Variants in ASMTL observed in about 807,000 individuals in gnomAD.
ASMTL encodes the protein acetylserotonin O-methyltransferase like.
Under a neutral mutation model 60.3 loss-of-function variants are expected in ASMTL, and 57 were observed. The ratio of observed to expected loss-of-function variants is 0.95; its 90% CI spans 0.76 to 1.18. The LOEUF (loss-of-function observed/expected upper bound fraction) is 1.18. ASMTL is among the 50% of genes most tolerant of loss of function. The probability of loss-of-function intolerance (pLI) is 0.00; values close to 1 mark genes in which losing one functional copy is unlikely to be tolerated. For synonymous variants in ASMTL, 419 were observed against 373.0 expected (o/e 1.12, Z -1.42); for missense variants, 981 against 852.6 (o/e 1.15, Z -1.88).
At chrX:1,406,577 G>A (rs1272742923) in intron 12 of ASMTL, among the ~76,000 whole-genome samples, 1 of 149,428 alleles carries the variant, frequency 6.7e-6, no homozygotes, top group Non-Finnish European at 1.5e-5. Context: ...TAGATGGCAT[G>A]GATGAGATGG....
chrX:1,434,676 C>T (rs1335321368), intron 5 of ASMTL, among the ~76,000 whole-genome samples: 7 of 150,554 alleles, frequency 4.6e-5, no homozygotes, highest in African/African-American at 1.7e-4. Context: ...TGGTGGTGGG[C>T]ACCTGTAATC....
chrX:1,442,419 C>T (rs1402240178), intron 1 of ASMTL, 102 bp from the exon 2 acceptor site: 3 of 1,348,570 alleles, frequency 2.2e-6, no homozygotes, highest in Non-Finnish European at 3.1e-6. Context: ...TTGCTACACT[C>T]CCCGACCCTG....
At chrX:1,453,122 C>T (rs1178897164), upstream of ASMTL, among the ~76,000 whole-genome samples, 3 of 149,786 alleles carry the variant, frequency 2.0e-5, no homozygotes, top group Non-Finnish European at 4.5e-5. Flanking sequence ...TTGATCTCCC[C>T]TGAGACCACG....
chrX:1,449,763 C>T (rs1319722890), intron 1 of ASMTL, among the ~76,000 whole-genome samples: 2 of 147,824 alleles, frequency 1.4e-5, no homozygotes, highest in African/African-American at 5.1e-5. Context: ...TAACTATGCC[C>T]CATCATCACC....
intron 7 of ASMTL, 36 bp downstream of exon 7, chrX:1,427,698 T>C (rs747318469): frequency 1.3e-6 from 2 of 1,568,952 alleles, no homozygotes; most frequent in Admixed American, 3.5e-5. Context: ...GTAGGCTCAT[T>C]TGTGAAATGT....
At position 1,403,315 on chromosome X, in the gene ASMTL, A is replaced by G; in HGVS notation, c.1820T>C (p.Leu607Ser). 6.2e-7 allele frequency: 1 copy of G among 1,613,214 alleles called. No homozygotes were observed. Reference sequence around the variant, plus strand: ...CAAGATGGCATCCAGGACACCCCCCAAGTGCACCACCTGCACCTGGTGGAA... The same window carrying G: ...CAAGATGGCATCCAGGACACCCCCCGAGTGCACCACCTGCACCTGGTGGAA... ...HGFHQVQVVH[L>S]GGVLDAILAT... Residue 607 changes from leucine to serine, a missense_variant, in exon 13 of 13, where the codon TTG (leucine) becomes TCG (serine). Transcript: ENST00000381317.
At chrX:1,406,397 TGAATG>T (rs1350256599) in intron 12 of ASMTL, among the ~76,000 whole-genome samples, 1 of 141,658 alleles carries the variant, frequency 7.1e-6, no homozygotes, top group Non-Finnish European at 1.5e-5. Context: ...GGTAGGTAGA[TGAATG>T]GATGGATAGA....
In ASMTL at chrX:1,412,780, C is replaced by T. The variant is rs376631232; in HGVS notation, c.1597G>A (p.Asp533Asn). 3.3e-5 allele frequency: 53 copies of T among 1,613,824 alleles called. No individual in the cohort carries two copies. Among genetic ancestry groups the T allele is most frequent in the African/African-American group, 2.9e-4 (22 of 74,916 alleles). The change falls in exon 12 of 13, where the codon GAC becomes AAC. Residue 533 changes from aspartate to asparagine, a missense_variant. Asp to Asn is a conservative substitution (Grantham distance 23). Coordinates refer to ENST00000381317, the MANE Select transcript of ASMTL (RefSeq NM_004192.4). ...LCRILHDWPDDKVHKLLSRVA... is the reference protein window; with the variant it reads ...LCRILHDWPDNKVHKLLSRVA... ...CTGCTGAGTAACTTGTGGACTTTGT[C>T]GTCTGGCCAGTCATGCAGGATCCGG...
upstream of ASMTL, chrX:1,452,931 G>T: frequency 9.4e-7 from 1 of 1,064,170 alleles, no homozygotes; most frequent in Non-Finnish European, 1.3e-6. Flanking sequence ...GGCGGCCAGA[G>T]TCCCGCCTCC....
chrX:1,417,761 CCATGTCACAGGTAT>C (rs2090348224), intron 11 of ASMTL, among the ~76,000 whole-genome samples, 198 bp downstream of exon 11: 1 of 960 alleles, frequency 1.0e-3, no homozygotes, highest in Non-Finnish European at 6.8e-3. Context: ...CAGACATGCT[CCATGTCACAGGTAT>C]GCTCCAGGGC....
chrX:1,436,231 T>G (rs1170004550), intron 3 of ASMTL, among the ~76,000 whole-genome samples: 1 of 152,214 alleles, frequency 6.6e-6, no homozygotes, highest in Non-Finnish European at 1.5e-5. Flanking sequence ...TGGAGTGCAG[T>G]GGCACGGTCT....
At chrX:1,414,077 T>A (rs1214373862) in intron 11 of ASMTL, 1 of 148,538 alleles carries the variant, frequency 6.7e-6, no homozygotes, top group African/African-American at 2.5e-5. Flanking sequence ...CTAAATGCAA[T>A]GGCAGGTGTC....
chrX:1,439,531 T>C (rs1461770368), intron 2 of ASMTL, among the ~76,000 whole-genome samples: 1 of 152,068 alleles, frequency 6.6e-6, no homozygotes, highest in Non-Finnish European at 1.5e-5. Flanking sequence ...AGGTTTTTGA[T>C]CCGTTCAATG....
chrX:1,411,792 C>A (rs1818098846), intron 12 of ASMTL, among the ~76,000 whole-genome samples: 1 of 143,380 alleles, frequency 7.0e-6, no homozygotes, highest in South Asian at 2.3e-4. Context: ...AATATATTTT[C>A]TCTTTAGGAT....
intron 1 of ASMTL, 46 bp downstream of exon 1, chrX:1,452,702 G>A (rs1357625721): frequency 1.3e-6 from 2 of 1,502,418 alleles, no homozygotes; most frequent in African/African-American, 2.8e-5. Context: ...CCGGGGTTCA[G>A]CCCCTCCGTC....
chrX:1,439,135 G>T lies in ASMTL; in HGVS notation c.235C>A (p.Arg79=). Residue 79 remains arginine, a synonymous_variant, in exon 3 of 13, where the codon CGG becomes AGG. Transcript: ENST00000381317. ...GCTCCAATGACCACGTCGGGGGCCC[G>T]CAGGTCTTTCTGTAAGAAAACCAGA... ...VANRLYQKDL[R]APDVVIGADT... is the part of the protein sequence containing the mutation. The T allele has an allele frequency of 1.9e-6, 3 of 1,613,984 alleles. No individual in the cohort carries two copies. The highest frequency in any genetic ancestry group is 2.2e-5 in the South Asian group (2 of 91,078).
intron 6 of ASMTL, 128 bp from the exon 7 acceptor site, chrX:1,428,249 C>T (rs2090668759): frequency 8.5e-7 from 1 of 1,169,964 alleles, no homozygotes; most frequent in Non-Finnish European, 1.2e-6. Context: ...CTGGCTAACA[C>T]AGTGAAACCC....
At chrX:1,404,168 GTAGATGGATGGA>G (rs1240519671) in intron 12 of ASMTL, among the ~76,000 whole-genome samples, 2 of 147,560 alleles carry the variant, frequency 1.4e-5, no homozygotes, top group African/African-American at 2.5e-5. Flanking sequence ...GGGTACGTAG[GTAGATGGATGGA>G]TAGATGGATG....
chrX:1,434,500 A>G (rs1171892200), intron 5 of ASMTL, among the ~76,000 whole-genome samples: 1 of 149,438 alleles, frequency 6.7e-6, no homozygotes, highest in East Asian at 2.0e-4. Flanking sequence ...AAAAAAAAAA[A>G]AAAGAAAGAA....
Sources: gnomAD v4.1 joint callset for allele counts (sites outside exome capture counted in the v4.1 genomes callset) on GRCh38, gnomAD v4.1.1 for gene constraint, MANE v1.5 for transcripts, NCBI Gene and HGNC (gene_info 2026-07-23, HGNC 2026-07-21) for gene names.